Variants in ZBTB46 observed in about 807,000 individuals in gnomAD.
ZBTB46 encodes the protein zinc finger and BTB domain containing 46.
A neutral mutation model predicts 44.1 loss-of-function variants in ZBTB46; 8 were observed. The observed-to-expected ratio is 0.18, with a 90% CI of 0.11 to 0.33. The LOEUF (loss-of-function observed/expected upper bound fraction) is 0.33, where lower values mean the gene tolerates loss of function less well. Ranked by LOEUF, ZBTB46 falls within the 10% of genes least tolerant of loss-of-function variation. The probability of loss-of-function intolerance (pLI) is 1.00; values close to 1 mark genes in which losing one functional copy is unlikely to be tolerated. For missense variants in ZBTB46, 651 were observed against 847.7 expected (o/e 0.77, Z 2.88); for synonymous variants, 409 against 382.3 (o/e 1.07, Z -0.81).
intron 1 of ZBTB46, among the ~76,000 whole-genome samples, chr20:63,808,476 CG>C (rs915366816): frequency 6.6e-6 from 1 of 152,112 alleles, no homozygotes; most frequent in African/African-American, 2.4e-5. Context: ...GCCCCGGGCC[CG>C]GCGGGAGGGA....
rs1458054366 is a variant in ZBTB46, at chr20:63,743,979, C to T, written c.*2951G>A. ...AAATCAACAATCTTCAAACACTGCC[C>T]TTTTTTTGTGTGTTTTGTTTTTGTT... On this transcript the variant is annotated 3_prime_UTR_variant, in exon 5 of 5. Coordinates refer to ENST00000245663, the MANE Select transcript of ZBTB46 (RefSeq NM_001369741.1). 2 of 152,354 alleles carry T rather than the reference C, an allele frequency of 1.3e-5. No homozygotes were observed. Among genetic ancestry groups the T allele is most frequent in the East Asian group, 1.9e-4 (1 of 5,344 alleles). The allele number at this position is 152,354 out of a possible 1,614,324, so 9.4% of individuals were successfully genotyped here. A position where few individuals can be genotyped will look rare whatever the true frequency, so the allele number is the denominator to read the frequency against.
intron 1 of ZBTB46, among the ~76,000 whole-genome samples, chr20:63,799,309 G>A (rs550735750): frequency 6.6e-6 from 1 of 151,992 alleles, no homozygotes; most frequent in East Asian, 1.9e-4. Context: ...CAAAGTTCTG[G>A]GACTACAGGC....
At chr20:63,770,984 TCG>T (rs1437582232) in intron 3 of ZBTB46, among the ~76,000 whole-genome samples, 38 of 139,360 alleles carry the variant, frequency 2.7e-4, no homozygotes, top group African/African-American at 5.3e-4. Context: ...GCCACGCCGC[TCG>T]AACCACAGCA....
chr20:63,794,518 T>C (rs2092585953), intron 1 of ZBTB46, among the ~76,000 whole-genome samples: 1 of 152,156 alleles, frequency 6.6e-6, no homozygotes, highest in Non-Finnish European at 1.5e-5. Flanking sequence ...TCAAAAGAGA[T>C]TAGTCAGCTA....
chr20:63,804,719 C>T (rs1316781788), intron 1 of ZBTB46, among the ~76,000 whole-genome samples: 1 of 151,922 alleles, frequency 6.6e-6, no homozygotes, highest in Non-Finnish European at 1.5e-5. Flanking sequence ...TGGTGAAACC[C>T]CGTCTCTACC....
chr20:63,830,536 C>T (rs1220422397), intron 1 of ZBTB46, among the ~76,000 whole-genome samples: 1 of 150,386 alleles, frequency 6.6e-6, no homozygotes, highest in Non-Finnish European at 1.5e-5. Flanking sequence ...CCTCAGGGCG[C>T]CGGGACCCGC....
intron 2 of ZBTB46, among the ~76,000 whole-genome samples, chr20:63,789,081 T>C (rs1311701096): frequency 6.7e-6 from 1 of 149,744 alleles, no homozygotes; most frequent in Non-Finnish European, 1.5e-5. Context: ...CCTCTCAAAG[T>C]GCTGGGATTA....
rs1357277503 is a variant in ZBTB46 at position 63,790,013 on chromosome 20, C to T, written c.745G>A (p.Gly249Ser). Reference protein sequence around the residue: ...GGSELPSAKDGAVQNSFSEQS... With the variant: ...GGSELPSAKDSAVQNSFSEQS... ...TCTGAGAAAGAGTTCTGTACTGCAC[C>T]GTCCTTGGCAGAAGGCAGCTCGCTC... The change falls in exon 2 of 5, where the codon GGT becomes AGT. Residue 249 changes from glycine to serine, a missense_variant. Transcript: ENST00000245663. 1.2e-5 allele frequency: 20 copies of T among 1,613,898 alleles called. No individual in the cohort carries two copies. Among genetic ancestry groups the T allele is most frequent in the South Asian group, 6.6e-5 (6 of 91,084 alleles).
intron 1 of ZBTB46, among the ~76,000 whole-genome samples, chr20:63,827,746 G>A (rs1347427445): frequency 6.6e-6 from 1 of 152,050 alleles, no homozygotes; most frequent in African/African-American, 2.4e-5. Flanking sequence ...ATGATGTTTA[G>A]AAGCATTTAA....
At chr20:63,747,678 T>G (rs1271204673) in intron 4 of ZBTB46, among the ~76,000 whole-genome samples, 1 of 152,022 alleles carries the variant, frequency 6.6e-6, no homozygotes. Flanking sequence ...CCCCAGCTCC[T>G]ATCAGAGCCA....
At chr20:63,816,309 T>C (rs4809361) in intron 1 of ZBTB46, 160,145 of 202,906 alleles carry the variant, frequency 0.79, 63,912 homozygotes, top group East Asian at 0.97. Flanking sequence ...CTGCTCACCC[T>C]CAACATGACT....
At chr20:63,788,836 CTTTTTTT>C (rs1172831876) in intron 2 of ZBTB46, among the ~76,000 whole-genome samples, 6 of 133,104 alleles carry the variant, frequency 4.5e-5, no homozygotes, top group Non-Finnish European at 9.8e-5. Context: ...GAGACTGTCT[CTTTTTTT>C]TTTTTTTTTG....
chr20:63,827,578 G>A (rs1426894006), intron 1 of ZBTB46, among the ~76,000 whole-genome samples: 10 of 146,550 alleles, frequency 6.8e-5, no homozygotes, highest in African/African-American at 7.6e-5. Context: ...ACTGCAGTCC[G>A]CAGTCCGGCC....
At chr20:63,748,287 T>C (rs1008764001) in intron 4 of ZBTB46, among the ~76,000 whole-genome samples, 2 of 152,196 alleles carry the variant, frequency 1.3e-5, no homozygotes, top group Non-Finnish European at 2.9e-5. Flanking sequence ...AGAGGGCCCA[T>C]GTGGCAGGAC....
rs1031682620 is a variant in ZBTB46 at position 63,775,279 on chromosome 20, C to T, written c.1222+399G>A. 12 of 183,430 alleles carry T rather than the reference C, an allele frequency of 6.5e-5. No individual in the cohort carries two copies. The South Asian group carries it at 7.2e-4, about 11-fold the overall frequency. The allele number at this position is 183,430 out of a possible 1,614,324, so 11.4% of individuals were successfully genotyped here. A position where few individuals can be genotyped will look rare whatever the true frequency, so the allele number is the denominator to read the frequency against. On this transcript the variant is annotated intron_variant, in intron 3 of 4. Transcript: ENST00000245663. ...AGCGGCCGCCCCCATCTCCCTTGCG[C>T]GAAACGAGCCTCAGCACGAAGGCGA... is the stretch of plus-strand genomic sequence containing the variant.
rs1445693550 is a variant in ZBTB46 at position 63,743,892 on chromosome 20, T to TACAA, written c.*3034_*3037dup. The TACAA allele has an allele frequency of 2.0e-5, 3 of 152,372 alleles. No homozygotes were observed. The highest frequency in any genetic ancestry group is 3.8e-4 in the East Asian group (2 of 5,312). The allele number at this position is 152,372 out of a possible 1,614,324, so 9.4% of individuals were successfully genotyped here. On this transcript the variant is annotated 3_prime_UTR_variant, in exon 5 of 5. Coordinates refer to ENST00000245663, the MANE Select transcript of ZBTB46 (RefSeq NM_001369741.1). ...CCCCCAATAGTAGACACATCTCCAA[T>TACAA]ACAAACACAGGTTTATAATAAGTAA...
chr20:63,799,568 G>A (rs1460041859), intron 1 of ZBTB46, among the ~76,000 whole-genome samples: 4 of 151,884 alleles, frequency 2.6e-5, no homozygotes, highest in Non-Finnish European at 5.9e-5. Flanking sequence ...GGCTGGTCTC[G>A]AGCTCCTGGC....
intron 1 of ZBTB46, among the ~76,000 whole-genome samples, chr20:63,820,096 A>G (rs1405254517): frequency 6.6e-6 from 1 of 151,892 alleles, no homozygotes; most frequent in East Asian, 1.9e-4. Flanking sequence ...AAACAGGCAC[A>G]CTTTTTTTTT....
intron 3 of ZBTB46, among the ~76,000 whole-genome samples, chr20:63,769,954 G>A (rs895932292): frequency 2.0e-5 from 3 of 152,156 alleles, no homozygotes; most frequent in Non-Finnish European, 4.4e-5. Flanking sequence ...CTCCAGTAAC[G>A]AGCTGGTCAG....
Sources: allele counts gnomAD v4.1 joint callset (sites outside exome capture counted in the v4.1 genomes callset), GRCh38; gene constraint gnomAD v4.1.1; transcripts MANE v1.5; gene names NCBI Gene and HGNC (gene_info 2026-07-23, HGNC 2026-07-21).